CFAP100: variants seen among roughly 807,000 people sequenced by gnomAD.
CFAP100 encodes the protein cilia- and flagella-associated protein 100.
In CFAP100, 70 loss-of-function variants were observed where a neutral mutation model predicts 81.5. The observed-to-expected ratio is 0.86, with a 90% CI of 0.71 to 1.05. The LOEUF (loss-of-function observed/expected upper bound fraction) is 1.05. CFAP100 is among the 50% of genes least tolerant of loss of function. CFAP100 has a pLI of 0.00. For synonymous variants in CFAP100, 341 were observed against 314.8 expected, an observed-to-expected ratio of 1.08 and a Z score of -0.88; for missense variants, 811 against 776.5, an observed-to-expected ratio of 1.04 and a Z score of -0.53.
At chr3:126,430,862 T>G (rs13316625) in intron 13 of CFAP100, among the ~76,000 whole-genome samples, 1 of 151,898 alleles carries the variant, frequency 6.6e-6, no homozygotes, top group Non-Finnish European at 1.5e-5. Context: ...TCACTGGGAG[T>G]CTATAAGACA....
chr3:126,396,506 G>A (rs978766390), intron 2 of CFAP100: 1 of 170,048 alleles, frequency 5.9e-6, no homozygotes, highest in African/African-American at 2.4e-5. Flanking sequence ...CATCACATTG[G>A]ATTGGAGGCC....
intron 13 of CFAP100, among the ~76,000 whole-genome samples, chr3:126,424,825 CAGG>C (rs1487244842): frequency 1.3e-5 from 2 of 152,164 alleles, no homozygotes; most frequent in African/African-American, 4.8e-5. Context: ...AGAAGGCTTC[CAGG>C]AGGTGTCAGG....
chr3:126,396,034 A>G lies in CFAP100; in HGVS notation c.34A>G (p.Asn12Asp). The G allele has an allele frequency of 6.2e-7, 1 of 1,614,086 alleles. No individual in the cohort carries two copies. The highest frequency in any genetic ancestry group is 1.3e-5 in the African/African-American group (1 of 75,034). ...GATACCGTCCACTATAGTCTCCAAG[A>G]ACATGACCAATGACAGTAAGTACCG... Reference protein sequence around the residue: ...SEIPSTIVSKNMTNDKNSLES... With the variant: ...SEIPSTIVSKDMTNDKNSLES... Residue 12 changes from asparagine (N) to aspartate (D), a missense_variant, in exon 2 of 17, where the codon AAC (asparagine) becomes GAC (aspartate). By Grantham distance (23) the Asn-to-Asp change is conservative. Coordinates refer to ENST00000352312, the MANE Select transcript of CFAP100 (RefSeq NM_182628.3).
chr3:126,432,382 A>G lies in CFAP100; in HGVS notation c.1287-687A>G, dbSNP rs1576649614. Among the ~76,000 whole-genome samples the G allele has an allele frequency of 2.0e-5, 3 of 152,202 alleles. No individual in the cohort carries two copies. The South Asian group carries it at 6.2e-4, about 32-fold the overall frequency. ...GAATTGAAAACATGTCCTCACAAAA[A>G]CCTGCACATGAATGTTCATAGCAGC... On this transcript the variant is annotated intron_variant, in intron 13 of 16. Transcript: ENST00000352312.
chr3:126,409,790 C>T (rs536247881), intron 3 of CFAP100, among the ~76,000 whole-genome samples: 11 of 152,282 alleles, frequency 7.2e-5, no homozygotes, highest in South Asian at 2.1e-4. Context: ...TTTATTTTAA[C>T]GATTTCTTGG....
chr3:126,407,573 T>C (rs569869951), intron 3 of CFAP100, among the ~76,000 whole-genome samples: 1 of 126,146 alleles, frequency 7.9e-6, no homozygotes, highest in Admixed American at 7.7e-5. Context: ...TCAACCACAA[T>C]TAGGGCTTTC....
chr3:126,433,528 G>C, intron 14 of CFAP100: 1 of 281,776 alleles, frequency 3.5e-6, no homozygotes, highest in Non-Finnish European at 6.8e-6. Context: ...GAGAGGGTGA[G>C]AGAATTGGGA....
chr3:126,419,245 TGAAC>T, intron 8 of CFAP100, 89 bp downstream of exon 8: 2 of 819,344 alleles, frequency 2.4e-6, no homozygotes, highest in South Asian at 1.8e-5. Flanking sequence ...TAGCACCATG[TGAAC>T]CTCATGGCTT....
Position 126,414,414 on chromosome 3 carries a change from G to A in CFAP100, c.225+235G>A, listed in dbSNP as rs1576629029. 9 of 637,066 alleles carry A rather than the reference G, an allele frequency of 1.4e-5. No homozygotes were observed. In the Admixed American group the frequency reaches 2.2e-4, roughly 15 times the overall value. 39.5% of individuals were successfully genotyped at this position (637,066 alleles called of 1,614,324 possible). ...CACCACTCTTCTTGGGTCTTGGTCAGATAGACTTCTTGGGCTGCTGTGGCA... is the reference window on the plus strand; with the variant it reads ...CACCACTCTTCTTGGGTCTTGGTCAAATAGACTTCTTGGGCTGCTGTGGCA... On this transcript the variant is annotated intron_variant, in intron 4 of 16. Transcript: ENST00000352312.
At chr3:126,433,830 G>GT (rs370354747) in intron 14 of CFAP100, 98 of 245,366 alleles carry the variant, frequency 4.0e-4, no homozygotes, top group African/African-American at 2.1e-3. Flanking sequence ...GCTGTTATCT[G>GT]TTTTCTAAGT....
Position 126,418,897 on chromosome 3 carries a change from G to T in CFAP100, c.650+123G>T, listed in dbSNP as rs1006542976. The T allele has an allele frequency of 7.8e-6, 10 of 1,284,034 alleles. No homozygotes were observed. In the Admixed American group the frequency reaches 8.2e-5, roughly 11 times the overall value. The allele number at this position is 1,284,034 out of a possible 1,614,324, so 79.5% of individuals were successfully genotyped here. On this transcript the variant is annotated intron_variant, in intron 7 of 16. Transcript: ENST00000352312. ...CTGCAACTCCTCTGGAAGCACCAGGGCCGGTCGGGAGCCAAGGGCAGGGGA... is the reference window on the plus strand; with the variant it reads ...CTGCAACTCCTCTGGAAGCACCAGGTCCGGTCGGGAGCCAAGGGCAGGGGA...
chr3:126,434,042 A>T, intron 14 of CFAP100, 134 bp from the exon 15 acceptor site: 1 of 739,034 alleles, frequency 1.4e-6, no homozygotes, highest in Non-Finnish European at 2.2e-6. Flanking sequence ...GTTTTAGCCC[A>T]TGTTCTCAGA....
intron 2 of CFAP100, among the ~76,000 whole-genome samples, chr3:126,403,381 ATCTTTTT>A (rs1458327010): frequency 5.4e-5 from 6 of 111,412 alleles, no homozygotes; most frequent in Non-Finnish European, 9.6e-5. Flanking sequence ...AGTGTATTTT[ATCTTTTT>A]TTTTTTTTTT....
At chr3:126,429,622 G>T (rs1400108460) in intron 13 of CFAP100, among the ~76,000 whole-genome samples, 1 of 145,666 alleles carries the variant, frequency 6.9e-6, no homozygotes. Flanking sequence ...TCTACTGTAG[G>T]TTTTTTTTTT....
chr3:126,435,487 G>C (rs574938982), intron 15 of CFAP100, 72 bp from the exon 16 acceptor site: 3 of 1,303,208 alleles, frequency 2.3e-6, no homozygotes, highest in African/African-American at 1.5e-5. Context: ...GCCTGGCCTG[G>C]GGACTCCGTG....
chr3:126,417,329 G>A (rs12490158), intron 5 of CFAP100, among the ~76,000 whole-genome samples: 10,880 of 152,262 alleles, frequency 0.071, 464 homozygotes, highest in Admixed American at 0.15. Flanking sequence ...GAAATCTTAA[G>A]TACTGAATAT....
chr3:126,409,109 A>T (rs1046518435), intron 3 of CFAP100, among the ~76,000 whole-genome samples: 1 of 152,100 alleles, frequency 6.6e-6, no homozygotes, highest in African/African-American at 2.4e-5. Context: ...GTTTTGACAA[A>T]TGTGTACAAT....
chr3:126,435,004 G>C (rs75543933), intron 15 of CFAP100, among the ~76,000 whole-genome samples: 4 of 152,112 alleles, frequency 2.6e-5, no homozygotes, highest in Non-Finnish European at 5.9e-5. Context: ...CTGGCCTGTG[G>C]GCAGCCCGGT....
intron 11 of CFAP100, among the ~76,000 whole-genome samples, chr3:126,422,049 G>A (rs2083340053): frequency 6.6e-6 from 1 of 152,214 alleles, no homozygotes; most frequent in African/African-American, 2.4e-5. Context: ...TTCAATCCTG[G>A]CCCCTCCATC....
Sources: allele counts gnomAD v4.1 joint callset (sites outside exome capture counted in the v4.1 genomes callset), GRCh38; gene constraint gnomAD v4.1.1; transcripts MANE v1.5; gene names NCBI Gene and HGNC (gene_info 2026-07-23, HGNC 2026-07-21).